Variants in THADA observed in about 807,000 individuals in gnomAD.
THADA encodes the protein tRNA (32-2'-O)-methyltransferase regulator THADA.
A neutral mutation model predicts 219.8 loss-of-function variants in THADA; 213 were observed. The observed-to-expected ratio is 0.97, with a 90% CI of 0.87 to 1.09. THADA has a LOEUF of 1.09. Ranked by LOEUF, THADA falls within the 50% of genes least tolerant of loss-of-function variation. The pLI, the probability that THADA is intolerant of heterozygous loss-of-function variation, is 0.00. For synonymous variants in THADA, 1,018 were observed against 828.9 expected (o/e 1.23, Z -3.92); for missense variants, 2,956 against 2,311.3 (o/e 1.28, Z -5.72).
intron 36 of THADA, among the ~76,000 whole-genome samples, chr2:43,235,260 A>G (rs565548332): frequency 1.3e-5 from 2 of 151,872 alleles, no homozygotes; most frequent in Non-Finnish European, 1.5e-5. Context: ...GATTACAGGC[A>G]TGAACCACTG....
At chr2:43,404,721 T>C (rs189432832) in intron 28 of THADA, among the ~76,000 whole-genome samples, 66 of 152,272 alleles carry the variant, frequency 4.3e-4, no homozygotes, top group Non-Finnish European at 7.2e-4. Flanking sequence ...ACAGAGCGCA[T>C]AGGACAGGGA....
At chr2:43,591,814 GA>G (rs547081973) in intron 3 of THADA, 137 bp downstream of exon 3, 8,592 of 403,288 alleles carry the variant, frequency 0.021, 4 homozygotes, top group South Asian at 0.033. Context: ...ACAATAAACA[GA>G]AAAAAAAAAA....
chr2:43,371,396 G>A (rs1417333993), intron 29 of THADA, among the ~76,000 whole-genome samples: 3 of 152,082 alleles, frequency 2.0e-5, no homozygotes, highest in African/African-American at 7.2e-5. Flanking sequence ...TTGCAATGGT[G>A]GTTAAATGGT....
At chr2:43,348,356 T>C (rs1667878207) in intron 29 of THADA, among the ~76,000 whole-genome samples, 1 of 152,218 alleles carries the variant, frequency 6.6e-6, no homozygotes, top group African/African-American at 2.4e-5. Flanking sequence ...GGAGGGTCAA[T>C]GCCATTTATC....
chr2:43,260,646 T>C (rs1480787605), intron 36 of THADA, among the ~76,000 whole-genome samples: 2 of 152,238 alleles, frequency 1.3e-5, no homozygotes, highest in African/African-American at 2.4e-5. Context: ...GTCATTGGCA[T>C]AACGTATTTA....
chr2:43,295,478 A>T (rs959301934), intron 31 of THADA, among the ~76,000 whole-genome samples: 2 of 152,240 alleles, frequency 1.3e-5, no homozygotes, highest in Admixed American at 1.3e-4. Context: ...CTTATGACAG[A>T]CTTCACCAAA....
chr2:43,425,581 GA>G (rs1678332771), intron 28 of THADA, among the ~76,000 whole-genome samples: 1 of 151,792 alleles, frequency 6.6e-6, no homozygotes, highest in Admixed American at 6.6e-5. Context: ...AGACCATTTG[GA>G]AGTCGGACTC....
At chr2:43,370,668 A>C (rs924655726) in intron 29 of THADA, among the ~76,000 whole-genome samples, 1 of 152,242 alleles carries the variant, frequency 6.6e-6, no homozygotes, top group African/African-American at 2.4e-5. Context: ...CAAGAAGTTA[A>C]TACTGAACAC....
In THADA at chr2:43,591,990, G is replaced by A; in HGVS notation, c.133C>T (p.Leu45Phe). 6.4e-7 allele frequency: 1 copy of A among 1,562,554 alleles called. No homozygotes were observed. ...TGGATTTGTGACACTCCATCCGTGA[G>A]TTGCACACAATGTAACAGCAAAGAA... ...LASLLLHCVQ[L>F]TDGVSQIHYI... The change falls in exon 3 of 38, where the codon CTC becomes TTC. Residue 45 changes from leucine to phenylalanine, a missense_variant. Physicochemically the swap from Leu to Phe is conservative, Grantham distance 22. Transcript: ENST00000405975.
chr2:43,465,434 CA>C (rs760507622), intron 26 of THADA, among the ~76,000 whole-genome samples: 4 of 152,170 alleles, frequency 2.6e-5, no homozygotes, highest in Non-Finnish European at 5.9e-5. Flanking sequence ...TTAGAGAGCT[CA>C]GAGCGTGGGT....
chr2:43,415,084 A>G (rs977491972), intron 28 of THADA, among the ~76,000 whole-genome samples: 2 of 152,192 alleles, frequency 1.3e-5, no homozygotes, highest in Non-Finnish European at 2.9e-5. Flanking sequence ...TTTCTCCCCA[A>G]CGTATTCTAT....
chr2:43,469,065 C>T (rs1684604471), intron 26 of THADA, among the ~76,000 whole-genome samples: 2 of 152,096 alleles, frequency 1.3e-5, no homozygotes, highest in Non-Finnish European at 2.9e-5. Context: ...GGACCCTGTC[C>T]TCAAGCAAGT....
At chr2:43,589,697 G>A (rs1348900298) in intron 4 of THADA, among the ~76,000 whole-genome samples, 1 of 152,114 alleles carries the variant, frequency 6.6e-6, no homozygotes, top group Non-Finnish European at 1.5e-5. Context: ...GGTGGGAAGG[G>A]GGTGAGAAAT....
chr2:43,494,791 A>G (rs572453142), intron 25 of THADA, among the ~76,000 whole-genome samples: 83 of 152,368 alleles, frequency 5.4e-4, no homozygotes, highest in African/African-American at 1.9e-3. Context: ...AAATATTTAC[A>G]TACTACATTT....
In THADA at chr2:43,572,952, G is replaced by A; in HGVS notation, c.1770C>T (p.Ser590=). The change falls in exon 12 of 38, where the codon AGC becomes AGT. Residue 590 remains serine (S), a synonymous_variant. Coordinates refer to ENST00000405975, the MANE Select transcript of THADA (RefSeq NM_022065.5). ...CCATCAAAGCTCCCAGAGCCCCCCT[G>A]CTATTACAAGACCCTAAGGATGGGA... The part of the protein sequence containing the change: ...QSFPSLGSCN[S]RGALGALMAC... The A allele has an allele frequency of 6.2e-7, 1 of 1,613,858 alleles. No individual in the cohort carries two copies. Among genetic ancestry groups the A allele is most frequent in the Non-Finnish European group, 8.5e-7 (1 of 1,179,834 alleles).
At chr2:43,535,845 T>A (rs1421743477) in intron 21 of THADA, among the ~76,000 whole-genome samples, 2 of 152,122 alleles carry the variant, frequency 1.3e-5, no homozygotes, top group Non-Finnish European at 2.9e-5. Flanking sequence ...TTTTTGAGAC[T>A]GACACTCGCT....
At chr2:43,247,154 A>C (rs1669238541) in intron 36 of THADA, among the ~76,000 whole-genome samples, 1 of 152,200 alleles carries the variant, frequency 6.6e-6, no homozygotes, top group Non-Finnish European at 1.5e-5. Flanking sequence ...TCAGTGGAGA[A>C]GCTGGGAGGA....
intron 36 of THADA, among the ~76,000 whole-genome samples, chr2:43,248,631 G>C (rs1489062620): frequency 6.6e-6 from 1 of 152,204 alleles, no homozygotes; most frequent in African/African-American, 2.4e-5. Context: ...ATTCAGATTA[G>C]AAATTTGCAT....
intron 36 of THADA, among the ~76,000 whole-genome samples, chr2:43,275,667 A>G (rs1005197969): frequency 1.3e-5 from 2 of 152,204 alleles, no homozygotes; most frequent in Non-Finnish European, 2.9e-5. Context: ...GCAAAAAGAA[A>G]AGGCTCAGGT....
Sources: gnomAD v4.1 joint callset for allele counts (sites outside exome capture counted in the v4.1 genomes callset) on GRCh38, gnomAD v4.1.1 for gene constraint, MANE v1.5 for transcripts, NCBI Gene and HGNC (gene_info 2026-07-23, HGNC 2026-07-21) for gene names.